The following MPPED1 variants were observed in gnomAD, a reference collection of about 807,000 sequenced individuals.
The protein encoded by MPPED1 is metallophosphoesterase domain-containing protein 1.
A neutral mutation model predicts 36.2 loss-of-function variants in MPPED1; 16 were observed. The ratio of observed to expected loss-of-function variants is 0.44; its 90% confidence interval spans 0.30 to 0.67. The LOEUF is 0.67. Ranked by LOEUF, MPPED1 falls within the 30% of genes least tolerant of loss-of-function variation. The pLI is 0.10. For missense variants in MPPED1, 307 were observed against 453.4 expected, an observed-to-expected ratio of 0.68 and a Z score of 2.93; for synonymous variants, 199 against 191.3, an observed-to-expected ratio of 1.04 and a Z score of -0.33.
chr22:43,458,097 A>T (rs1032722776), intron 3 of MPPED1, among the ~76,000 whole-genome samples: 7 of 152,144 alleles, frequency 4.6e-5, no homozygotes, highest in African/African-American at 1.7e-4. Context: ...TAGCTTTGGT[A>T]TGTAGTAGGC....
chr22:43,420,947 C>T (rs1224376189), intron 1 of MPPED1, among the ~76,000 whole-genome samples: 2 of 152,202 alleles, frequency 1.3e-5, no homozygotes, highest in South Asian at 4.1e-4. Flanking sequence ...ATAAGTCATG[C>T]GTTCATTCAT....
chr22:43,432,907 A>AGG (rs1389213306), intron 2 of MPPED1, among the ~76,000 whole-genome samples: 2 of 62,432 alleles, frequency 3.2e-5, no homozygotes, highest in African/African-American at 3.9e-5. Flanking sequence ...AGAGAGAGGG[A>AGG]AAGAGAAAGG....
At chr22:43,464,350 A>T (rs1216226091) in intron 3 of MPPED1, among the ~76,000 whole-genome samples, 2 of 128,218 alleles carry the variant, frequency 1.6e-5, no homozygotes, top group African/African-American at 5.8e-5. Context: ...GCATAGGGGG[A>T]TGTGATCATG....
At chr22:43,450,664 G>T (rs190537980) in intron 3 of MPPED1, among the ~76,000 whole-genome samples, 1 of 152,212 alleles carries the variant, frequency 6.6e-6, no homozygotes, top group Non-Finnish European at 1.5e-5. Context: ...TGGTGGTTTT[G>T]TGAACACATC....
chr22:43,465,405 A>T (rs1337049575), intron 3 of MPPED1, among the ~76,000 whole-genome samples: 1 of 152,204 alleles, frequency 6.6e-6, no homozygotes, highest in Admixed American at 6.5e-5. Context: ...TGGTTGAATC[A>T]TGTGACCTCC....
At chr22:43,497,388 G>T (rs897283729) in intron 4 of MPPED1, among the ~76,000 whole-genome samples, 5 of 152,030 alleles carry the variant, frequency 3.3e-5, no homozygotes, top group African/African-American at 4.8e-5. Flanking sequence ...GGTAGGGTGG[G>T]TGTCTGGTCC....
chr22:43,505,446 C>T (rs1569094094), intron 6 of MPPED1, 52 bp from the exon 7 acceptor site: 2 of 1,517,816 alleles, frequency 1.3e-6, no homozygotes, highest in Non-Finnish European at 1.8e-6. Flanking sequence ...ACCCCCCTGG[C>T]CACCCTCACT....
At chr22:43,466,920 G>A (rs745828422) in intron 3 of MPPED1, among the ~76,000 whole-genome samples, 24 of 152,180 alleles carry the variant, frequency 1.6e-4, no homozygotes, top group Non-Finnish European at 2.6e-4. Flanking sequence ...GGTGGAGCGT[G>A]GCTTGCGTTT....
intron 6 of MPPED1, among the ~76,000 whole-genome samples, chr22:43,504,304 GTGT>G (rs1932772551): frequency 6.6e-6 from 1 of 151,988 alleles, no homozygotes; most frequent in Admixed American, 6.5e-5. Context: ...AATGACAGTG[GTGT>G]TGGTGGTGAT....
In MPPED1 at chr22:43,500,448, ACGGAGGTGG is replaced by A. The variant is rs754626664; in HGVS notation, c.748+2099_748+2107del. Reference sequence around the variant, plus strand: ...AATGGAGGTGGTGGTGGAGGTGGTGACGGAGGTGGTGGAGGTGGTGGAGGCGAAGGTCTT... The same window carrying A: ...AATGGAGGTGGTGGTGGAGGTGGTGATGGAGGTGGTGGAGGCGAAGGTCTT... On this transcript the variant is annotated intron_variant, in intron 5 of 6. Transcript: ENST00000443721. Among the ~76,000 whole-genome samples, 684 of 120,620 alleles carry A rather than the reference ACGGAGGTGG, an allele frequency of 5.7e-3. 1 individual carries two copies. The highest frequency in any genetic ancestry group is 8.5e-3 in the Non-Finnish European group (478 of 56,382). 79.1% of individuals were successfully genotyped at this position (120,620 alleles called of 152,430 possible). A position where few individuals can be genotyped will look rare whatever the true frequency, so the allele number is the denominator to read the frequency against.
chr22:43,442,379 C>T (rs1275447759), intron 3 of MPPED1, among the ~76,000 whole-genome samples: 2 of 152,130 alleles, frequency 1.3e-5, no homozygotes, highest in Non-Finnish European at 2.9e-5. Context: ...CGCTCTTCCT[C>T]CCTTTCCTGA....
chr22:43,465,579 C>T (rs1931139270), intron 3 of MPPED1, among the ~76,000 whole-genome samples: 1 of 152,178 alleles, frequency 6.6e-6, no homozygotes, highest in Non-Finnish European at 1.5e-5. Context: ...ACAAATCAAC[C>T]CGCGGTTGGT....
At position 43,467,222 on chromosome 22, in the gene MPPED1, C is replaced by T. The variant is rs369418259; in HGVS notation, c.407-7514C>T. Among the ~76,000 whole-genome samples the T allele has an allele frequency of 8.5e-5, 13 of 152,254 alleles. 1 individual carries two copies. The East Asian group carries it at 9.6e-4, about 11-fold the overall frequency. On this transcript the variant is annotated intron_variant, in intron 3 of 6. Transcript: ENST00000443721. The stretch of plus-strand genomic sequence containing the variant: ...CACCCCTTGCTGCACTGCCTTTCAT[C>T]TCTGTCATGGGGAGAATGGCCCGTG...
Position 43,502,678 on chromosome 22 carries a change from G to C in MPPED1, c.783G>C (p.Arg261=). The C allele has an allele frequency of 6.2e-7, 1 of 1,613,322 alleles. No homozygotes were observed. Among genetic ancestry groups the C allele is most frequent in the South Asian group, 1.1e-5 (1 of 91,080 alleles). The change falls in exon 6 of 7, where the codon CGG becomes CGC. Residue 261 remains arginine (R), a synonymous_variant. Coordinates refer to ENST00000443721, the MANE Select transcript of MPPED1 (RefSeq NM_001044370.2). This position sits in a 1 kb window ranked among gnomAD's most constrained non-coding sequence, Gnocchi z 5.5. The part of the protein sequence containing the change: ...FLDWVPKKMQ[R]VGCVELLNTV... ...ACTGGGTCCCCAAGAAGATGCAGCG[G>C]GTGGGCTGTGTGGAGCTGCTCAACA...
In MPPED1 at chr22:43,505,629, G is replaced by T; in HGVS notation, c.*13G>T. 1 of 1,593,304 alleles carries T rather than the reference G, an allele frequency of 6.3e-7. No individual in the cohort carries two copies. The highest frequency in any genetic ancestry group is 8.6e-7 in the Non-Finnish European group (1 of 1,168,586). ...CCGGAACTCCTGACTGCTCCCCACT[G>T]CCCCTGCCCTGCCCGCCCGTGTCAG... On this transcript the variant is annotated 3_prime_UTR_variant, in exon 7 of 7. Coordinates refer to ENST00000443721, the MANE Select transcript of MPPED1 (RefSeq NM_001044370.2).
chr22:43,477,381 TTCAC>T (rs1931609009), intron 4 of MPPED1, among the ~76,000 whole-genome samples: 1 of 152,228 alleles, frequency 6.6e-6, no homozygotes, highest in South Asian at 2.1e-4. Flanking sequence ...TTGGGCAAGT[TTCAC>T]TCAGTTTCCA....
chr22:43,440,241 A>G (rs1017538327), intron 3 of MPPED1, among the ~76,000 whole-genome samples: 15 of 152,244 alleles, frequency 9.9e-5, no homozygotes, highest in African/African-American at 3.6e-4. Context: ...GCGCTGTGAC[A>G]CAGACCAGTG....
At chr22:43,478,802 G>A (rs1350294237) in intron 4 of MPPED1, among the ~76,000 whole-genome samples, 7 of 152,116 alleles carry the variant, frequency 4.6e-5, no homozygotes, top group East Asian at 3.9e-4. Context: ...TTTGCGGGGC[G>A]GCCTTCTCCC....
intron 3 of MPPED1, among the ~76,000 whole-genome samples, chr22:43,468,640 A>C (rs1193650709): frequency 1.3e-5 from 2 of 152,002 alleles, no homozygotes; most frequent in Non-Finnish European, 2.9e-5. Context: ...AATCAGCAGC[A>C]TGGATTAGGA....
Sources: allele counts gnomAD v4.1 joint callset (sites outside exome capture counted in the v4.1 genomes callset), GRCh38; gene constraint gnomAD v4.1.1; non-coding constraint Gnocchi (gnomAD v3.1); transcripts MANE v1.5; gene names NCBI Gene and HGNC (gene_info 2026-07-23, HGNC 2026-07-21).